TGS1: variants seen among roughly 807,000 people sequenced by gnomAD.
TGS1 encodes the protein trimethylguanosine synthase 1.
A neutral mutation model predicts 92.2 loss-of-function variants in TGS1; 69 were observed. The ratio of observed to expected loss-of-function variants is 0.75; its 90% CI spans 0.62 to 0.91. The LOEUF (loss-of-function observed/expected upper bound fraction) is 0.91. TGS1 is among the 40% of genes least tolerant of loss of function. The pLI, the probability that TGS1 is intolerant of heterozygous loss-of-function variation, is 0.00. For missense variants in TGS1, 1,062 were observed against 1,001.2 expected, an observed-to-expected ratio of 1.06 and a Z score of -0.82; for synonymous variants, 345 against 338.1, an observed-to-expected ratio of 1.02 and a Z score of -0.22.
chr8:55,806,184 C>A (rs186158617), intron 10 of TGS1, among the ~76,000 whole-genome samples: 1 of 148,652 alleles, frequency 6.7e-6, no homozygotes, highest in East Asian at 2.0e-4. Context: ...GGAGAGACCC[C>A]GTCTCTCCTA....
chr8:55,790,335 T>TA (rs1465641739), intron 5 of TGS1, 36 bp downstream of exon 5: 2 of 1,394,838 alleles, frequency 1.4e-6, no homozygotes, highest in South Asian at 2.3e-5. Context: ...CAGAGCGTGT[T>TA]AGAGTAAGCA....
intron 1 of TGS1, among the ~76,000 whole-genome samples, chr8:55,778,968 C>G (rs770443055): frequency 1.3e-5 from 2 of 152,146 alleles, no homozygotes; most frequent in Non-Finnish European, 2.9e-5. Flanking sequence ...GCTTAGGGCT[C>G]TAAGGAGAGC....
chr8:55,805,390 G>A (rs1222506054), intron 10 of TGS1, among the ~76,000 whole-genome samples: 2 of 152,148 alleles, frequency 1.3e-5, no homozygotes, highest in Non-Finnish European at 2.9e-5. Context: ...TAAAAGGTAG[G>A]AATGTCATGA....
intron 10 of TGS1, among the ~76,000 whole-genome samples, chr8:55,806,176 A>T (rs1356872738): frequency 1.3e-5 from 2 of 150,902 alleles, no homozygotes; most frequent in Non-Finnish European, 2.9e-5. Context: ...ACCAACATGG[A>T]GAGACCCCGT....
At chr8:55,795,813 T>G (rs954815987) in intron 6 of TGS1, among the ~76,000 whole-genome samples, 165 bp from the exon 7 acceptor site, 1 of 152,196 alleles carries the variant, frequency 6.6e-6, no homozygotes, top group Non-Finnish European at 1.5e-5. Flanking sequence ...AGTTAGACCA[T>G]CAACTCTTCT....
At chr8:55,822,379 C>T (rs1803670648) in intron 12 of TGS1, among the ~76,000 whole-genome samples, 4 of 152,054 alleles carry the variant, frequency 2.6e-5, no homozygotes, top group African/African-American at 9.6e-5. Flanking sequence ...CTAAAAATGG[C>T]TTTTTAAATT....
At chr8:55,806,458 AT>A (rs1208265552) in intron 10 of TGS1, among the ~76,000 whole-genome samples, 3 of 151,688 alleles carry the variant, frequency 2.0e-5, no homozygotes, top group African/African-American at 7.3e-5. Context: ...CTTAGTAACA[AT>A]TTTTTCTCTG....
At chr8:55,810,828 T>C (rs1470948954) in intron 10 of TGS1, 53 bp from the exon 11 acceptor site, 3 of 1,398,058 alleles carry the variant, frequency 2.1e-6, no homozygotes, top group Middle Eastern at 1.9e-4. Flanking sequence ...AACTATCCTA[T>C]ATAAGTAATA....
chr8:55,824,751 C>G lies in TGS1; in HGVS notation c.*48C>G, dbSNP rs1179523996. On this transcript the variant is annotated 3_prime_UTR_variant, in exon 13 of 13. Transcript: ENST00000260129. ...AAGATCATGGAGTGGTCAAAATATT[C>G]AGATGAGACATTTGGCATGTCTTCC... is the stretch of plus-strand genomic sequence containing the variant. 1.9e-6 allele frequency: 3 copies of G among 1,600,834 alleles called. No individual in the cohort carries two copies. Among genetic ancestry groups the G allele is most frequent in the Middle Eastern group, 1.7e-4 (1 of 6,040 alleles).
rs1811721723 is a variant in TGS1, at chr8:55,786,638, A to G, written c.740A>G (p.Tyr247Cys). 6.2e-7 allele frequency: 1 copy of G among 1,614,194 alleles called. No homozygotes were observed. The highest frequency in any genetic ancestry group is 1.3e-5 in the African/African-American group (1 of 75,058). The change falls in exon 4 of 13, where the codon TAT (tyrosine) becomes TGT (cysteine). Residue 247 changes from tyrosine to cysteine, a missense_variant. Coordinates refer to ENST00000260129, the MANE Select transcript of TGS1 (RefSeq NM_024831.8). ...CAACATTATAGTCAACTTTATTGGT[A>G]TTATTTGGAACAATTTCAGTATTGG... ...WEQHYSQLYW[Y>C]YLEQFQYWEA...
chr8:55,792,365 G>A (rs943789137), intron 5 of TGS1, among the ~76,000 whole-genome samples: 1 of 152,080 alleles, frequency 6.6e-6, no homozygotes, highest in East Asian at 1.9e-4. Flanking sequence ...ATCACTTTAG[G>A]AGATTAATTT....
In TGS1 at chr8:55,798,909, T is replaced by G; in HGVS notation, c.1543-5T>G. On this transcript the variant is annotated splice_polypyrimidine_tract_variant and splice_region_variant and intron_variant, in intron 7 of 12. Coordinates refer to ENST00000260129, the MANE Select transcript of TGS1 (RefSeq NM_024831.8). Reference sequence around the variant, plus strand: ...CCTGCTCATGATGTCATCTTAAAATTTAAGGTAGAAAAATTCCTCACATGG... The same window carrying G: ...CCTGCTCATGATGTCATCTTAAAATGTAAGGTAGAAAAATTCCTCACATGG... The G allele has an allele frequency of 6.3e-7, 1 of 1,589,198 alleles. No individual in the cohort carries two copies. Among genetic ancestry groups the G allele is most frequent in the East Asian group, 2.2e-5 (1 of 44,660 alleles).
chr8:55,814,674 A>T (rs867740892), intron 12 of TGS1, among the ~76,000 whole-genome samples: 1,254 of 123,222 alleles, frequency 0.01, 11 homozygotes, highest in East Asian at 0.059. Context: ...AAAAAAAAAA[A>T]ATATATATAT....
intron 1 of TGS1, among the ~76,000 whole-genome samples, chr8:55,781,695 C>T (rs1270925446): frequency 6.6e-6 from 1 of 152,208 alleles, no homozygotes. Flanking sequence ...CCTGCTGAGT[C>T]ACCACCTACT....
chr8:55,789,562 A>T (rs1811817137), intron 4 of TGS1, among the ~76,000 whole-genome samples: 1 of 152,134 alleles, frequency 6.6e-6, no homozygotes, highest in Admixed American at 6.6e-5. Flanking sequence ...AAGTAGTTAG[A>T]TCATGAACAT....
intron 1 of TGS1, among the ~76,000 whole-genome samples, chr8:55,778,395 A>G (rs1293137498): frequency 2.0e-5 from 3 of 152,144 alleles, no homozygotes; most frequent in Non-Finnish European, 4.4e-5. Context: ...AATCTCCCTC[A>G]TTAAGGTATT....
At chr8:55,817,778 A>G (rs1014630999) in intron 12 of TGS1, among the ~76,000 whole-genome samples, 2 of 152,248 alleles carry the variant, frequency 1.3e-5, no homozygotes, top group Non-Finnish European at 2.9e-5. Flanking sequence ...CTTCTGGTAC[A>G]TGTTGGAATA....
rs116509903 is a variant in TGS1, at chr8:55,792,632, A to G, written c.1281-66A>G. The G allele has an allele frequency of 2.9e-3, 3,269 of 1,134,786 alleles. 71 individuals are homozygous for G. The African/African-American group carries it at 0.046, about 16-fold the overall frequency. 70.3% of individuals were successfully genotyped at this position (1,134,786 alleles called of 1,614,324 possible). On this transcript the variant is annotated intron_variant, in intron 5 of 12. Coordinates refer to ENST00000260129, the MANE Select transcript of TGS1 (RefSeq NM_024831.8). ...ATGGGTCAATTATATTGCCTTTTTT[A>G]TATTTATCTGAACTAGTGGGCTCTG... is the stretch of plus-strand genomic sequence containing the variant.
intron 4 of TGS1, among the ~76,000 whole-genome samples, chr8:55,788,674 G>A (rs1186895013): frequency 2.6e-5 from 4 of 151,892 alleles, no homozygotes; most frequent in African/African-American, 2.4e-5. Flanking sequence ...GTGTTGGCCA[G>A]GCTGGTTTCA....
Sources: gnomAD v4.1 joint callset for allele counts (sites outside exome capture counted in the v4.1 genomes callset) on GRCh38, gnomAD v4.1.1 for gene constraint, MANE v1.5 for transcripts, NCBI Gene and HGNC (gene_info 2026-07-23, HGNC 2026-07-21) for gene names.